MALRD1: variants seen among roughly 807,000 people sequenced by gnomAD.
MALRD1 encodes the protein MAM and LDL-receptor class A domain-containing protein 1.
Under a neutral mutation model 242.1 loss-of-function variants are expected in MALRD1, and 247 were observed. The observed-to-expected ratio is 1.02, with a 90% CI of 0.92 to 1.13. The LOEUF (loss-of-function observed/expected upper bound fraction) is 1.13, where lower values mean the gene tolerates loss of function less well. Among genes scored for constraint, MALRD1 ranks in the 50% most tolerant of loss-of-function variants. The pLI, the probability that MALRD1 is intolerant of heterozygous loss-of-function variation, is 0.00. For missense variants in MALRD1, 2,989 were observed against 2,533.1 expected (o/e 1.18, Z -3.86); for synonymous variants, 995 against 866.6 (o/e 1.15, Z -2.60).
intron 18 of MALRD1, among the ~76,000 whole-genome samples, chr10:19,252,543 C>G (rs933508370): frequency 1.3e-5 from 2 of 151,894 alleles, no homozygotes; most frequent in Admixed American, 1.3e-4. Flanking sequence ...TTTTGTTTCC[C>G]AAAATAAGAA....
At chr10:19,689,206 CA>C (rs1842722292) in intron 36 of MALRD1, among the ~76,000 whole-genome samples, 1 of 152,080 alleles carries the variant, frequency 6.6e-6, no homozygotes, top group Admixed American at 6.6e-5. Flanking sequence ...AGGAAACACA[CA>C]TACAAAACTG....
intron 28 of MALRD1, among the ~76,000 whole-genome samples, chr10:19,447,657 G>T (rs1835075094): frequency 1.3e-5 from 2 of 152,154 alleles, no homozygotes; most frequent in Non-Finnish European, 2.9e-5. Context: ...AATAGGAAAA[G>T]TTAGTAAAGT....
intron 31 of MALRD1, 116 bp from the exon 32 acceptor site, chr10:19,531,078 C>A: frequency 1.3e-6 from 1 of 790,016 alleles, no homozygotes; most frequent in East Asian, 3.0e-5. Flanking sequence ...AAAATGAGTT[C>A]TGTTTGATTG....
chr10:19,419,986 C>T (rs148465329), intron 28 of MALRD1, among the ~76,000 whole-genome samples: 8 of 152,166 alleles, frequency 5.3e-5, no homozygotes, highest in Non-Finnish European at 1.2e-4. Flanking sequence ...GTTTTGGTGC[C>T]GCAAAATAAA....
chr10:19,234,685 T>C (rs751403315), intron 18 of MALRD1, among the ~76,000 whole-genome samples: 19 of 152,122 alleles, frequency 1.2e-4, no homozygotes, highest in Non-Finnish European at 2.5e-4. Context: ...CTTTTGTTCC[T>C]TGAAAATAGA....
chr10:19,620,378 T>C (rs1839347254), intron 36 of MALRD1, among the ~76,000 whole-genome samples: 2 of 151,998 alleles, frequency 1.3e-5, no homozygotes, highest in African/African-American at 4.8e-5. Flanking sequence ...TCCAAGTATA[T>C]TTGATGTTTA....
At chr10:19,227,503 A>C (rs1015142315) in intron 18 of MALRD1, among the ~76,000 whole-genome samples, 2 of 152,122 alleles carry the variant, frequency 1.3e-5, no homozygotes, top group Admixed American at 6.6e-5. Flanking sequence ...ATGTAAATAT[A>C]AAAAGTATAA....
intron 18 of MALRD1, among the ~76,000 whole-genome samples, chr10:19,224,695 T>G (rs1209108151): frequency 6.6e-6 from 1 of 152,182 alleles, no homozygotes; most frequent in Non-Finnish European, 1.5e-5. Context: ...TGTTTTTTTC[T>G]TGTAAATTTG....
intron 18 of MALRD1, among the ~76,000 whole-genome samples, chr10:19,231,000 CT>C (rs1190543771): frequency 2.0e-5 from 3 of 152,098 alleles, no homozygotes; most frequent in Non-Finnish European, 4.4e-5. Context: ...GACCCAAATC[CT>C]CCCTCAAAAC....
At chr10:19,388,152 T>C (rs1589005040) in intron 27 of MALRD1, among the ~76,000 whole-genome samples, 1 of 152,296 alleles carries the variant, frequency 6.6e-6, no homozygotes, top group African/African-American at 2.4e-5. Flanking sequence ...ATCTTCTCTG[T>C]AAGCATGTCT....
rs1317875107 is a variant in MALRD1, at chr10:19,565,015, A to G, written c.5479-2487A>G. On this transcript the variant is annotated intron_variant, in intron 32 of 39. Coordinates refer to ENST00000454679, the MANE Select transcript of MALRD1 (RefSeq NM_001142308.3). ...CACTTGACGTAACATGTAATTATTC[A>G]ACTTAATATACTGGAGGTATTATAA... 2.6e-5 allele frequency among the ~76,000 whole-genome samples: 4 copies of G among 152,180 alleles called. No homozygotes were observed. The South Asian group carries it at 6.2e-4, about 24-fold the overall frequency.
chr10:19,564,135 T>C (rs946505974), intron 32 of MALRD1, among the ~76,000 whole-genome samples: 1 of 152,178 alleles, frequency 6.6e-6, no homozygotes, highest in South Asian at 2.1e-4. Context: ...TATTCCTTTA[T>C]AGAAATGCAT....
intron 36 of MALRD1, among the ~76,000 whole-genome samples, chr10:19,650,526 GTAAT>G (rs1237846684): frequency 2.0e-5 from 3 of 152,118 alleles, no homozygotes; most frequent in Non-Finnish European, 2.9e-5. Flanking sequence ...TAGAAAATCT[GTAAT>G]AAGTTTTCTG....
At chr10:19,607,567 A>G (rs553354471) in intron 34 of MALRD1, among the ~76,000 whole-genome samples, 1 of 152,162 alleles carries the variant, frequency 6.6e-6, no homozygotes, top group South Asian at 2.1e-4. Context: ...CTGCGAAGTG[A>G]TTTTTCAGGC....
chr10:19,587,356 A>T (rs958662840), intron 33 of MALRD1, among the ~76,000 whole-genome samples: 1 of 152,232 alleles, frequency 6.6e-6, no homozygotes, highest in Non-Finnish European at 1.5e-5. Context: ...TTTACTGTCT[A>T]TATCACTGCG....
chr10:19,594,335 CA>C (rs1057209734), intron 33 of MALRD1, among the ~76,000 whole-genome samples: 2 of 152,044 alleles, frequency 1.3e-5, no homozygotes, highest in African/African-American at 4.8e-5. Flanking sequence ...AGTCAGAAAA[CA>C]GTAGAAGTTG....
rs1422247755 is a variant in MALRD1, at chr10:19,348,049, C to G, written c.4149+31C>G. The stretch of plus-strand genomic sequence containing the variant: ...GGGAAAATCGAACCAACCAACCAAA[C>G]AAACACAGAATTATTGTGAGCAAGT... On this transcript the variant is annotated intron_variant, in intron 25 of 39. Coordinates refer to ENST00000454679, the MANE Select transcript of MALRD1 (RefSeq NM_001142308.3). The G allele has an allele frequency of 5.1e-5, 79 of 1,540,946 alleles. 1 individual carries two copies. The highest frequency in any genetic ancestry group is 6.1e-5 in the Non-Finnish European group (70 of 1,142,074).
At chr10:19,453,173 A>G (rs1487986205) in intron 29 of MALRD1, among the ~76,000 whole-genome samples, 8 of 152,178 alleles carry the variant, frequency 5.3e-5, no homozygotes, top group Admixed American at 5.2e-4. Flanking sequence ...GTCACCACAC[A>G]ATTTATCATG....
At chr10:19,111,787 A>G (rs1836688684) in intron 5 of MALRD1, among the ~76,000 whole-genome samples, 1 of 152,242 alleles carries the variant, frequency 6.6e-6, no homozygotes, top group Non-Finnish European at 1.5e-5. Context: ...ATGAGGACAC[A>G]GAGAGTTGTT....
Sources: allele counts gnomAD v4.1 joint callset (sites outside exome capture counted in the v4.1 genomes callset), GRCh38; gene constraint gnomAD v4.1.1; transcripts MANE v1.5; gene names NCBI Gene and HGNC (gene_info 2026-07-23, HGNC 2026-07-21).